Variants in SFT2D2 observed in about 807,000 individuals in gnomAD.
The protein encoded by SFT2D2 is vesicle transport protein SFT2B.
SFT2D2 carries 21 observed loss-of-function variants against 27.4 expected under a neutral mutation model. That is an observed-to-expected ratio of 0.77 (90% CI 0.54 to 1.10). The LOEUF (loss-of-function observed/expected upper bound fraction) is 1.10. Among genes scored for constraint, SFT2D2 ranks in the 50% least tolerant of loss-of-function variants. The pLI is 0.00. For missense variants in SFT2D2, 187 were observed against 194.2 expected (o/e 0.96, Z 0.22); for synonymous variants, 72 against 71.7 (o/e 1.00, Z -0.02).
intron 3 of SFT2D2, among the ~76,000 whole-genome samples, chr1:168,232,413 C>G (rs1258485478): frequency 1.3e-5 from 2 of 152,216 alleles, no homozygotes; most frequent in Admixed American, 6.5e-5. Context: ...TTTTCCAGGT[C>G]AAGCTCATTC....
chr1:168,230,151 C>T (rs764497710), intron 1 of SFT2D2, among the ~76,000 whole-genome samples: 10 of 152,172 alleles, frequency 6.6e-5, no homozygotes, highest in South Asian at 6.2e-4. Context: ...TCTGGTTTGA[C>T]GGGAACTCTG....
At chr1:168,231,316 G>T (rs1374307848) in intron 1 of SFT2D2, among the ~76,000 whole-genome samples, 198 bp from the exon 2 acceptor site, 1 of 152,212 alleles carries the variant, frequency 6.6e-6, no homozygotes, top group Admixed American at 6.5e-5. Context: ...TCAGCTGCTA[G>T]AGAGGAGATT....
chr1:168,238,416 G>A (rs563926799), intron 6 of SFT2D2, among the ~76,000 whole-genome samples: 1 of 152,084 alleles, frequency 6.6e-6, no homozygotes, highest in Admixed American at 6.6e-5. Flanking sequence ...AAGACTTTGG[G>A]AGGCTGAGGT....
intron 1 of SFT2D2, among the ~76,000 whole-genome samples, chr1:168,229,338 C>G (rs1004163607): frequency 6.6e-6 from 1 of 152,212 alleles, no homozygotes; most frequent in African/African-American, 2.4e-5. Context: ...TCTGGAATCT[C>G]ACTGTTCTGT....
At chr1:168,236,829 G>C in intron 6 of SFT2D2, 59 bp downstream of exon 6, 3 of 1,553,350 alleles carry the variant, frequency 1.9e-6, no homozygotes, top group Non-Finnish European at 2.7e-6. Flanking sequence ...GTAGCCAAAG[G>C]AGATAAAACT....
At chr1:168,231,688 C>T (rs1041759641) in intron 2 of SFT2D2, 88 bp downstream of exon 2, 1 of 1,491,238 alleles carries the variant, frequency 6.7e-7, no homozygotes, top group Non-Finnish European at 9.4e-7. Flanking sequence ...CCCCTTTTGC[C>T]CTTCACTAAA....
chr1:168,226,074 G>A lies in SFT2D2; in HGVS notation c.-6G>A, dbSNP rs1254113658. The A allele has an allele frequency of 1.5e-5, 23 of 1,531,396 alleles. No individual in the cohort carries two copies. The highest frequency in any genetic ancestry group is 2.0e-5 in the Non-Finnish European group (23 of 1,138,208). 94.9% of individuals were successfully genotyped at this position (1,531,396 alleles called of 1,614,324 possible). On this transcript the variant is annotated 5_prime_UTR_variant, in exon 1 of 8. Transcript: ENST00000271375. ...AGGAGCTGGAGCTGGTGGGGACTGG[G>A]CCGCAATGGACAAGCTGAAGAAGGT...
chr1:168,238,107 C>A lies in SFT2D2; in HGVS notation c.414-1024C>A, dbSNP rs149412013. Among the ~76,000 whole-genome samples, 955 of 152,224 alleles carry A rather than the reference C, an allele frequency of 6.3e-3. 7 individuals are homozygous for A. Among genetic ancestry groups the A allele is most frequent in the African/African-American group, 0.021 (854 of 41,540 alleles). On this transcript the variant is annotated intron_variant, in intron 6 of 7. Transcript: ENST00000271375. Reference sequence around the variant, plus strand: ...GCTAACTTACAGTCTGCCTGACACACAGTGCCTGGTTCTTTAGCATTATGG... The same window carrying A: ...GCTAACTTACAGTCTGCCTGACACAAAGTGCCTGGTTCTTTAGCATTATGG...
rs1412801994 is a variant in SFT2D2 at position 168,243,570 on chromosome 1, T to TCTCA, written c.*1031_*1034dup. The TCTCA allele has an allele frequency of 1.3e-5, 2 of 152,264 alleles. No homozygotes were observed. The highest frequency in any genetic ancestry group is 2.9e-5 in the Non-Finnish European group (2 of 68,132). The allele number at this position is 152,264 out of a possible 1,614,324, so 9.4% of individuals were successfully genotyped here. ...GACACTGGGGATAAACTGCAGGTGGTCTCATGTCAGCCTGATGCCTAACCT... is the reference window on the plus strand; with the variant it reads ...GACACTGGGGATAAACTGCAGGTGGTCTCACTCATGTCAGCCTGATGCCTAACCT... On this transcript the variant is annotated 3_prime_UTR_variant, in exon 8 of 8. Transcript: ENST00000271375.
chr1:168,242,560 A>C lies in SFT2D2; in HGVS notation c.*20A>C, dbSNP rs1479104179. ...GCATAATTCATGGCCAGTTTTATGA[A>C]GCTTTGGAAGGCACTATGGACAGAA... On this transcript the variant is annotated 3_prime_UTR_variant, in exon 8 of 8. Transcript: ENST00000271375. 6.2e-7 allele frequency: 1 copy of C among 1,614,120 alleles called. No individual in the cohort carries two copies.
chr1:168,231,940 C>T, intron 3 of SFT2D2, 21 bp downstream of exon 3: 2 of 1,601,330 alleles, frequency 1.2e-6, no homozygotes, highest in Non-Finnish European at 1.7e-6. Flanking sequence ...TTTAAAAATC[C>T]AATTTTAGCC....
chr1:168,239,060 A>T, intron 6 of SFT2D2, 71 bp from the exon 7 acceptor site: 1 of 1,149,798 alleles, frequency 8.7e-7, no homozygotes. Flanking sequence ...TACAGCTCAG[A>T]AGCCCATTCT....
intron 6 of SFT2D2, 131 bp downstream of exon 6, chr1:168,236,901 T>G: frequency 8.8e-7 from 1 of 1,131,084 alleles, no homozygotes; most frequent in East Asian, 2.4e-5. Context: ...GGATTCGTAA[T>G]GATGAAAGTG....
In SFT2D2 at chr1:168,244,965, CT is replaced by C. The variant is rs1224560465; in HGVS notation, c.*2426del. 1.3e-5 allele frequency: 2 copies of C among 152,138 alleles called. No homozygotes were observed. Among genetic ancestry groups the C allele is most frequent in the African/African-American group, 4.8e-5 (2 of 41,436 alleles). The allele number at this position is 152,138 out of a possible 1,614,324, so 9.4% of individuals were successfully genotyped here. A position where few individuals can be genotyped will look rare whatever the true frequency, so the allele number is the denominator to read the frequency against. On this transcript the variant is annotated 3_prime_UTR_variant, in exon 8 of 8. Transcript: ENST00000271375. ...TCGAAGGGCATCTTTAAAATATCTA[CT>C]GCTAACATCCTATGTAATGATGAAA...
In SFT2D2 at chr1:168,248,712, T is replaced by A. The variant is rs903751942; in HGVS notation, c.*6172T>A. 1 of 152,282 alleles carries A rather than the reference T, an allele frequency of 6.6e-6. No homozygotes were observed. The highest frequency in any genetic ancestry group is 2.4e-5 in the African/African-American group (1 of 41,478). 9.4% of individuals were successfully genotyped at this position (152,282 alleles called of 1,614,324 possible). On this transcript the variant is annotated 3_prime_UTR_variant, in exon 8 of 8. Coordinates refer to ENST00000271375, the MANE Select transcript of SFT2D2 (RefSeq NM_199344.3). ...GGTAGAATTCGGCTGTGAATCCATC[T>A]GGTCCTGGACTTTTTATGGTTGGTA...
chr1:168,226,676 TGTGATTGGGG>T (rs1319616118), intron 1 of SFT2D2, among the ~76,000 whole-genome samples: 5 of 152,110 alleles, frequency 3.3e-5, no homozygotes, highest in Admixed American at 2.6e-4. Context: ...CACATTGCCT[TGTGATTGGGG>T]GTGAGAAACT....
chr1:168,251,429 G>C lies in SFT2D2; in HGVS notation c.*8889G>C, dbSNP rs1186061095. On this transcript the variant is annotated 3_prime_UTR_variant, in exon 8 of 8. Coordinates refer to ENST00000271375, the MANE Select transcript of SFT2D2 (RefSeq NM_199344.3). Reference sequence around the variant, plus strand: ...TGGCTTCTGTTTTTGATAGCTCTATGAAAGTGACAGATTTGCATCATGAGA... The same window carrying C: ...TGGCTTCTGTTTTTGATAGCTCTATCAAAGTGACAGATTTGCATCATGAGA... 1 of 152,200 alleles carries C rather than the reference G, an allele frequency of 6.6e-6. No individual in the cohort carries two copies. Among genetic ancestry groups the C allele is most frequent in the Non-Finnish European group, 1.5e-5 (1 of 68,026 alleles). 9.4% of individuals were successfully genotyped at this position (152,200 alleles called of 1,614,324 possible).
intron 6 of SFT2D2, among the ~76,000 whole-genome samples, chr1:168,237,390 T>C (rs1461249652): frequency 6.6e-6 from 1 of 152,160 alleles, no homozygotes; most frequent in African/African-American, 2.4e-5. Context: ...AAAGGGCCGC[T>C]GGAGACATTT....
chr1:168,232,255 A>G (rs1647341736), intron 3 of SFT2D2, among the ~76,000 whole-genome samples: 1 of 152,162 alleles, frequency 6.6e-6, no homozygotes, highest in South Asian at 2.1e-4. Context: ...ATGGTTTTCA[A>G]AGGGCTCATC....
Sources: allele counts gnomAD v4.1 joint callset (sites outside exome capture counted in the v4.1 genomes callset), GRCh38; gene constraint gnomAD v4.1.1; transcripts MANE v1.5; gene names NCBI Gene and HGNC (gene_info 2026-07-23, HGNC 2026-07-21).